The following RASA2 variants were observed in gnomAD, a reference collection of about 807,000 sequenced individuals.
RASA2 encodes ras GTPase-activating protein 2.
RASA2 carries 155 observed loss-of-function variants against 118.2 expected under a neutral mutation model. That is an observed-to-expected ratio of 1.31 (90% CI 1.15 to 1.50). RASA2 has a LOEUF of 1.50. Among genes scored for constraint, RASA2 ranks in the 40% most tolerant of loss-of-function variants. The probability of loss-of-function intolerance (pLI) is 0.00; values close to 1 mark genes in which losing one functional copy is unlikely to be tolerated. For synonymous variants in RASA2, 353 were observed against 349.1 expected (o/e 1.01, Z -0.12); for missense variants, 1,016 against 1,009.6 (o/e 1.01, Z -0.09).
chr3:141,541,472 A>G (rs1040181470), intron 5 of RASA2, among the ~76,000 whole-genome samples: 12 of 152,020 alleles, frequency 7.9e-5, no homozygotes, highest in Admixed American at 7.2e-4. Context: ...AGAAGATTGC[A>G]TATGTATGAC....
In RASA2 at chr3:141,487,227, G is replaced by A. The variant is rs2081588361; in HGVS notation, c.133+11G>A. 4 of 1,387,334 alleles carry A rather than the reference G, an allele frequency of 2.9e-6. No homozygotes were observed. The highest frequency in any genetic ancestry group is 3.4e-5 in the South Asian group (2 of 58,388). The allele number at this position is 1,387,334 out of a possible 1,614,324, so 85.9% of individuals were successfully genotyped here. On this transcript the variant is annotated intron_variant, in intron 1 of 23. Transcript: ENST00000286364. The stretch of plus-strand genomic sequence containing the variant: ...TGCGGGGCAAGATCTGTAAGCGGGG[G>A]CTGGGCTGAGGGGACGCCCTGGCGG...
chr3:141,542,053 C>T lies in RASA2; in HGVS notation c.527+1444C>T, dbSNP rs556842567. On this transcript the variant is annotated intron_variant, in intron 5 of 23. Coordinates refer to ENST00000286364, the MANE Select transcript of RASA2 (RefSeq NM_006506.5). ...CATTCAATTTAAGGGTTTTTTTGTGCCCCTTCCCCCCAATTTAAGTTTTTT... is the reference window on the plus strand; with the variant it reads ...CATTCAATTTAAGGGTTTTTTTGTGTCCCTTCCCCCCAATTTAAGTTTTTT... 4.0e-5 allele frequency among the ~76,000 whole-genome samples: 6 copies of T among 151,052 alleles called. No individual in the cohort carries two copies. The South Asian group carries it at 1.3e-3, about 32-fold the overall frequency.
At chr3:141,557,240 A>C (rs1206339519) in intron 7 of RASA2, among the ~76,000 whole-genome samples, 3 of 152,212 alleles carry the variant, frequency 2.0e-5, no homozygotes, top group Admixed American at 2.0e-4. Flanking sequence ...AGATAGATAC[A>C]TTTCCATCTC....
chr3:141,517,695 C>T (rs965531101), intron 3 of RASA2, among the ~76,000 whole-genome samples: 4 of 152,082 alleles, frequency 2.6e-5, no homozygotes, highest in Non-Finnish European at 5.9e-5. Context: ...ACTCTGTCGC[C>T]CAGGCTGGAG....
chr3:141,496,666 C>T (rs1465169563), intron 1 of RASA2, among the ~76,000 whole-genome samples: 7 of 152,274 alleles, frequency 4.6e-5, no homozygotes, highest in Middle Eastern at 3.4e-3. Context: ...CAGGAAACAA[C>T]AGGTGCTGGA....
At position 141,571,035 on chromosome 3, in the gene RASA2, G is replaced by A; in HGVS notation, c.987G>A (p.Leu329=). 6.2e-7 allele frequency: 1 copy of A among 1,603,574 alleles called. No individual in the cohort carries two copies. The highest frequency in any genetic ancestry group is 8.5e-7 in the Non-Finnish European group (1 of 1,177,266). Residue 329 remains leucine (L), a synonymous_variant, in exon 10 of 24, where the codon TTG becomes TTA. Transcript: ENST00000286364. ...YVLPSEYYGP[L]KTLLLKSPDV... ...TTCCTTCAGAGTACTATGGTCCTTT[G>A]AAAACTTTGCTGCTAAAATCACCAG...
At chr3:141,507,479 CT>C (rs538578639) in intron 1 of RASA2, among the ~76,000 whole-genome samples, 1 of 152,132 alleles carries the variant, frequency 6.6e-6, no homozygotes. Context: ...ATCAGAAAGA[CT>C]TTTGCAGAAT....
In RASA2 at chr3:141,529,820, T is replaced by G; in HGVS notation, c.450+18T>G. The G allele has an allele frequency of 6.5e-7, 1 of 1,539,738 alleles. No homozygotes were observed. The highest frequency in any genetic ancestry group is 1.4e-5 in the African/African-American group (1 of 72,860). ...AGGTTCAGGTAAATATTAAGGCTTATGTAATACAAGAGATTGTCACAGGAA... is the reference window on the plus strand; with the variant it reads ...AGGTTCAGGTAAATATTAAGGCTTAGGTAATACAAGAGATTGTCACAGGAA... On this transcript the variant is annotated intron_variant, in intron 4 of 23. Coordinates refer to ENST00000286364, the MANE Select transcript of RASA2 (RefSeq NM_006506.5).
intron 23 of RASA2, among the ~76,000 whole-genome samples, chr3:141,611,516 A>G (rs1435351973): frequency 2.6e-5 from 4 of 151,926 alleles, no homozygotes; most frequent in Non-Finnish European, 5.9e-5. Flanking sequence ...CACAGTGAAC[A>G]CTCATTGATC....
chr3:141,509,392 T>G (rs2081916137), intron 1 of RASA2, among the ~76,000 whole-genome samples: 1 of 152,220 alleles, frequency 6.6e-6, no homozygotes. Context: ...AGAATATGTG[T>G]AAATTTATAT....
chr3:141,575,644 T>C (rs1239056242), intron 14 of RASA2, among the ~76,000 whole-genome samples: 1 of 152,154 alleles, frequency 6.6e-6, no homozygotes, highest in Admixed American at 6.5e-5. Context: ...AAGCAGGGCC[T>C]CAAACCTGGG....
At chr3:141,487,363 A>C in intron 1 of RASA2, 147 bp downstream of exon 1, 2 of 787,326 alleles carry the variant, frequency 2.5e-6, no homozygotes, top group Non-Finnish European at 3.1e-6. Context: ...TGAGGCTGGA[A>C]GGGGGTGTGT....
intron 1 of RASA2, among the ~76,000 whole-genome samples, chr3:141,488,228 A>G (rs2081602062): frequency 6.6e-6 from 1 of 151,760 alleles, no homozygotes; most frequent in Non-Finnish European, 1.5e-5. Flanking sequence ...TGTAAGAGAG[A>G]TCAATAACAT....
At chr3:141,548,193 C>T (rs2082516326) in intron 5 of RASA2, among the ~76,000 whole-genome samples, 1 of 152,116 alleles carries the variant, frequency 6.6e-6, no homozygotes, top group African/African-American at 2.4e-5. Flanking sequence ...TAACACTGGC[C>T]TCATAGGATG....
chr3:141,577,212 T>G (rs1227660731), intron 15 of RASA2, 106 bp downstream of exon 15: 5 of 819,340 alleles, frequency 6.1e-6, no homozygotes, highest in Admixed American at 6.0e-5. Context: ...TTCTTATAAC[T>G]GATACTTAAA....
chr3:141,610,722 C>T lies in RASA2; in HGVS notation c.2519+656C>T, dbSNP rs558161911. 9.2e-5 allele frequency among the ~76,000 whole-genome samples: 14 copies of T among 151,708 alleles called. No individual in the cohort carries two copies. The South Asian group carries it at 2.9e-3, about 32-fold the overall frequency. ...CCCAGGCTGGTTTTGAATTCCTGACCTCCAGCGATCCTCCTGCCTCGTCTC... is the reference window on the plus strand; with the variant it reads ...CCCAGGCTGGTTTTGAATTCCTGACTTCCAGCGATCCTCCTGCCTCGTCTC... On this transcript the variant is annotated intron_variant, in intron 23 of 23. Coordinates refer to ENST00000286364, the MANE Select transcript of RASA2 (RefSeq NM_006506.5).
chr3:141,487,027 G>T lies in RASA2; in HGVS notation c.-57G>T. The T allele has an allele frequency of 8.8e-7, 1 of 1,130,050 alleles. No individual in the cohort carries two copies. Among genetic ancestry groups the T allele is most frequent in the East Asian group, 5.1e-5 (1 of 19,794 alleles). The allele number at this position is 1,130,050 out of a possible 1,614,324, so 70.0% of individuals were successfully genotyped here. A position where few individuals can be genotyped will look rare whatever the true frequency, so the allele number is the denominator to read the frequency against. ...TGGCCTGGGCCTAGGCCGCTGCTGG[G>T]CTCCGCCTCGCCCGGCTACGCAGGC... On this transcript the variant is annotated 5_prime_UTR_variant, in exon 1 of 24. Coordinates refer to ENST00000286364, the MANE Select transcript of RASA2 (RefSeq NM_006506.5).
Position 141,580,462 on chromosome 3 carries a change from A to G in RASA2, c.1674+11A>G, listed in dbSNP as rs781077251. 2.5e-6 allele frequency: 4 copies of G among 1,569,492 alleles called. No individual in the cohort carries two copies. In the South Asian group the frequency reaches 4.5e-5, roughly 18 times the overall value. On this transcript the variant is annotated intron_variant, in intron 16 of 23. Coordinates refer to ENST00000286364, the MANE Select transcript of RASA2 (RefSeq NM_006506.5). ...CTGTCCAAAAGCAAGGTAAGTCCTT[A>G]CATCTTTTATTTTGTTTTTACACTT...
chr3:141,521,381 G>T (rs2151088121), intron 3 of RASA2, among the ~76,000 whole-genome samples: 1 of 152,300 alleles, frequency 6.6e-6, no homozygotes, highest in South Asian at 2.1e-4. Context: ...GAAAGGTGGA[G>T]TCAGATAAGG....
Sources: gnomAD v4.1 joint callset for allele counts (sites outside exome capture counted in the v4.1 genomes callset) on GRCh38, gnomAD v4.1.1 for gene constraint, MANE v1.5 for transcripts, NCBI Gene and HGNC (gene_info 2026-07-23, HGNC 2026-07-21) for gene names.